CSMD1: variants seen among roughly 807,000 people sequenced by gnomAD.
CSMD1 encodes CUB and Sushi multiple domains 1.
CSMD1 carries 213 observed loss-of-function variants against 417.5 expected under a neutral mutation model. That is an observed-to-expected ratio of 0.51 (90% CI 0.46 to 0.57). The LOEUF (loss-of-function observed/expected upper bound fraction) is 0.57. Ranked by LOEUF, CSMD1 falls within the 20% of genes least tolerant of loss-of-function variation. CSMD1 has a pLI of 0.00. For missense variants in CSMD1, 6,923 were observed against 4,529.7 expected, an observed-to-expected ratio of 1.53 and a Z score of -15.17; for synonymous variants, 2,862 against 1,736.8, an observed-to-expected ratio of 1.65 and a Z score of -16.11.
At chr8:2,974,319 G>C (rs1334230497) in intron 56 of CSMD1, 132 bp downstream of exon 56, 1 of 823,618 alleles carries the variant, frequency 1.2e-6, no homozygotes, top group East Asian at 2.8e-5. Context: ...GGCTAGAAAT[G>C]CAATACTAAT....
chr8:4,688,424 A>G (rs142174536), intron 1 of CSMD1, among the ~76,000 whole-genome samples: 313 of 152,244 alleles, frequency 2.1e-3, no homozygotes, highest in African/African-American at 7.2e-3. Flanking sequence ...ATACCAAACC[A>G]AGAAGGGTGA....
At chr8:3,817,576 G>A (rs1333288351) in intron 5 of CSMD1, among the ~76,000 whole-genome samples, 1 of 151,988 alleles carries the variant, frequency 6.6e-6, no homozygotes, top group Non-Finnish European at 1.5e-5. Context: ...ACTGCGCCTG[G>A]CCATCTTCTT....
At chr8:2,948,856 C>T (rs912844404) in intron 68 of CSMD1, among the ~76,000 whole-genome samples, 2 of 151,916 alleles carry the variant, frequency 1.3e-5, no homozygotes, top group Non-Finnish European at 2.9e-5. Context: ...ATTATTAAAA[C>T]TTTGTCATTC....
At chr8:4,186,759 G>C (rs1798701390) in intron 3 of CSMD1, among the ~76,000 whole-genome samples, 1 of 151,836 alleles carries the variant, frequency 6.6e-6, no homozygotes, top group Non-Finnish European at 1.5e-5. Flanking sequence ...AGCTGAGGCG[G>C]GTGGATCACT....
intron 5 of CSMD1, among the ~76,000 whole-genome samples, chr8:3,772,690 T>TACAC (rs1305323170): frequency 4.9e-5 from 7 of 142,444 alleles, no homozygotes; most frequent in Admixed American, 1.5e-4. Context: ...TACATATATA[T>TACAC]ACAAATATAT....
intron 3 of CSMD1, among the ~76,000 whole-genome samples, chr8:4,186,112 C>T (rs914400332): frequency 3.3e-5 from 5 of 152,100 alleles, no homozygotes; most frequent in African/African-American, 1.2e-4. Flanking sequence ...TTGGGCCATG[C>T]CAGGCTGTCA....
intron 1 of CSMD1, among the ~76,000 whole-genome samples, chr8:4,721,762 T>C (rs1044595015): frequency 3.9e-5 from 6 of 152,118 alleles, no homozygotes; most frequent in African/African-American, 1.4e-4. Flanking sequence ...ACTCCCATGT[T>C]CACTGAGGTA....
chr8:3,993,421 C>T (rs568878395), intron 5 of CSMD1, among the ~76,000 whole-genome samples: 1 of 152,156 alleles, frequency 6.6e-6, no homozygotes, highest in South Asian at 2.1e-4. Context: ...TGGGTAAACA[C>T]TGGAAGCATT....
chr8:3,006,402 C>A (rs1227406205), intron 52 of CSMD1, among the ~76,000 whole-genome samples: 1 of 150,072 alleles, frequency 6.7e-6, no homozygotes, highest in African/African-American at 2.5e-5. Context: ...TGACTTTCTT[C>A]ACAGAATTGG....
At chr8:3,278,572 T>C (rs1016582024) in intron 26 of CSMD1, 7 of 152,326 alleles carry the variant, frequency 4.6e-5, no homozygotes, top group Admixed American at 4.6e-4. Flanking sequence ...TTTAAAATCA[T>C]AACTAATTCC....
At chr8:4,206,318 A>G (rs760024336) in intron 3 of CSMD1, among the ~76,000 whole-genome samples, 6 of 152,216 alleles carry the variant, frequency 3.9e-5, no homozygotes, top group African/African-American at 7.2e-5. Flanking sequence ...TACATTAGGT[A>G]TATCTCCTGA....
At chr8:4,347,603 C>T (rs1027058172) in intron 3 of CSMD1, among the ~76,000 whole-genome samples, 5 of 152,102 alleles carry the variant, frequency 3.3e-5, no homozygotes, top group African/African-American at 1.2e-4. Flanking sequence ...TAGATATTGG[C>T]CATCTGCTCT....
intron 6 of CSMD1, among the ~76,000 whole-genome samples, chr8:3,746,923 T>C (rs1797090230): frequency 6.6e-6 from 1 of 152,242 alleles, no homozygotes; most frequent in African/African-American, 2.4e-5. Flanking sequence ...GACACTGGCC[T>C]GTCAGCTTTC....
chr8:4,772,980 G>C (rs768514301), intron 1 of CSMD1, among the ~76,000 whole-genome samples: 1 of 152,118 alleles, frequency 6.6e-6, no homozygotes, highest in Non-Finnish European at 1.5e-5. Context: ...AAGATACATG[G>C]ATGAGTATGA....
intron 3 of CSMD1, among the ~76,000 whole-genome samples, chr8:4,139,222 G>C (rs1002141950): frequency 5.9e-5 from 9 of 152,182 alleles, no homozygotes; most frequent in East Asian, 3.9e-4. Flanking sequence ...GAGTGTCCTA[G>C]TGGTGCTTTA....
At chr8:4,569,624 C>T (rs533859693) in intron 2 of CSMD1, among the ~76,000 whole-genome samples, 107 of 152,216 alleles carry the variant, frequency 7.0e-4, no homozygotes, top group South Asian at 8.3e-4. Flanking sequence ...CTTAGCTATA[C>T]GGGCTCTTTT....
At chr8:3,814,642 G>A (rs943982893) in intron 5 of CSMD1, among the ~76,000 whole-genome samples, 5 of 152,246 alleles carry the variant, frequency 3.3e-5, no homozygotes, top group Middle Eastern at 3.4e-3. Flanking sequence ...CAAACAAAGA[G>A]CTATCCAACC....
chr8:3,022,946 A>T (rs767810795), intron 51 of CSMD1, among the ~76,000 whole-genome samples: 54 of 152,208 alleles, frequency 3.5e-4, no homozygotes, highest in Non-Finnish European at 6.8e-4. Flanking sequence ...TCAAACATGA[A>T]ATCAGCTGTC....
intron 5 of CSMD1, among the ~76,000 whole-genome samples, chr8:3,778,065 C>G (rs887346251): frequency 3.3e-5 from 5 of 152,206 alleles, no homozygotes; most frequent in African/African-American, 1.2e-4. Context: ...CACGTCCCTC[C>G]AGGGGAAACT....
Sources: gnomAD v4.1 joint callset for allele counts (sites outside exome capture counted in the v4.1 genomes callset) on GRCh38, gnomAD v4.1.1 for gene constraint, MANE v1.5 for transcripts, NCBI Gene and HGNC (gene_info 2026-07-23, HGNC 2026-07-21) for gene names.